RRAS2: variants seen among roughly 807,000 people sequenced by gnomAD.
RRAS2 encodes RAS related 2.
Under a neutral mutation model 27.6 loss-of-function variants are expected in RRAS2, and 7 were observed. The observed-to-expected ratio is 0.25, with a 90% CI of 0.14 to 0.48. The LOEUF (loss-of-function observed/expected upper bound fraction) is 0.48, where lower values mean the gene tolerates loss of function less well. Ranked by LOEUF, RRAS2 falls within the 20% of genes least tolerant of loss-of-function variation. The pLI is 0.99. For missense variants in RRAS2, 178 were observed against 256.2 expected (o/e 0.69, Z 2.08); for synonymous variants, 86 against 90.9 (o/e 0.95, Z 0.31).
chr11:14,292,871 G>A (rs571919236), intron 4 of RRAS2, among the ~76,000 whole-genome samples: 5 of 151,866 alleles, frequency 3.3e-5, no homozygotes, highest in African/African-American at 1.2e-4. Flanking sequence ...ACTTTGGGAG[G>A]CCGAGGTGGG....
intron 2 of RRAS2, among the ~76,000 whole-genome samples, chr11:14,295,116 A>C (rs1270121900): frequency 2.6e-5 from 4 of 152,224 alleles, no homozygotes; most frequent in Non-Finnish European, 5.9e-5. Context: ...TTAGAAGCTT[A>C]AAAATATCAA....
At chr11:14,295,341 T>A (rs1171494559) in intron 2 of RRAS2, among the ~76,000 whole-genome samples, 1 of 152,218 alleles carries the variant, frequency 6.6e-6, no homozygotes. Flanking sequence ...GAGCTTTCTT[T>A]GTGGAGAGGG....
At chr11:14,296,086 G>A (rs566779222) in intron 1 of RRAS2, among the ~76,000 whole-genome samples, 24 of 152,070 alleles carry the variant, frequency 1.6e-4, no homozygotes, top group Non-Finnish European at 2.8e-4. Context: ...AGGCTGATGT[G>A]GGAGGATCAC....
chr11:14,354,703 G>GTC (rs1554955241), intron 1 of RRAS2, among the ~76,000 whole-genome samples: 1 of 111,946 alleles, frequency 8.9e-6, no homozygotes, highest in East Asian at 2.8e-4. Flanking sequence ...TGAGACAAGA[G>GTC]TCTCACTCTG....
intron 1 of RRAS2, among the ~76,000 whole-genome samples, chr11:14,347,333 CAG>C (rs1372381596): frequency 2.0e-5 from 3 of 152,020 alleles, no homozygotes; most frequent in Non-Finnish European, 4.4e-5. Flanking sequence ...AATAACAAAA[CAG>C]AATGCAGAAG....
chr11:14,339,965 A>C (rs1327823199), intron 1 of RRAS2, among the ~76,000 whole-genome samples: 1 of 151,608 alleles, frequency 6.6e-6, no homozygotes, highest in African/African-American at 2.4e-5. Context: ...AACACACACA[A>C]AAAAATAGCC....
upstream of RRAS2, among the ~76,000 whole-genome samples, chr11:14,363,444 C>T (rs889717349): frequency 6.6e-6 from 1 of 152,182 alleles, no homozygotes; most frequent in African/African-American, 2.4e-5. Flanking sequence ...TCTGAGGACA[C>T]GGACTTAGAA....
chr11:14,329,016 TATATATATATATACACACACAC>T (rs1477135786), intron 1 of RRAS2, among the ~76,000 whole-genome samples: 1 of 19,390 alleles, frequency 5.2e-5, no homozygotes, highest in African/African-American at 1.2e-4. Context: ...TGTGTGTATA[TATATATATATATACACACACAC>T]ATATATATGT....
At chr11:14,339,077 C>G (rs1435766568) in intron 1 of RRAS2, among the ~76,000 whole-genome samples, 1 of 152,072 alleles carries the variant, frequency 6.6e-6, no homozygotes, top group African/African-American at 2.4e-5. Flanking sequence ...AATACCCAAA[C>G]AGGCCAATTT....
rs782708206 is a variant in RRAS2 at position 14,281,737 on chromosome 11, T to C, written c.409-17A>G. 7.1e-6 allele frequency: 11 copies of C among 1,559,712 alleles called. No individual in the cohort carries two copies. Among genetic ancestry groups the C allele is most frequent in the Non-Finnish European group, 9.6e-6 (11 of 1,141,896 alleles). On this transcript the variant is annotated splice_polypyrimidine_tract_variant and intron_variant, in intron 4 of 5. Coordinates refer to ENST00000256196, the MANE Select transcript of RRAS2 (RefSeq NM_012250.6). ...CTGTGTTACCTGAAATTCCAACAGTTATGTTTATGGTACATTATTAACAAC... is the reference window on the plus strand; with the variant it reads ...CTGTGTTACCTGAAATTCCAACAGTCATGTTTATGGTACATTATTAACAAC...
chr11:14,311,196 T>C (rs1007870574), intron 1 of RRAS2, among the ~76,000 whole-genome samples: 3 of 151,970 alleles, frequency 2.0e-5, no homozygotes, highest in African/African-American at 4.8e-5. Flanking sequence ...AACCTAAAAA[T>C]TGACCCGGTG....
chr11:14,302,471 C>T (rs782311360), intron 1 of RRAS2, among the ~76,000 whole-genome samples: 4 of 152,192 alleles, frequency 2.6e-5, no homozygotes, highest in Admixed American at 1.3e-4. Flanking sequence ...TACTTGCTAG[C>T]TGTTTGAGTC....
At chr11:14,302,828 G>A (rs1554947586) in intron 1 of RRAS2, among the ~76,000 whole-genome samples, 1 of 152,200 alleles carries the variant, frequency 6.6e-6, no homozygotes, top group African/African-American at 2.4e-5. Context: ...AGAATTGAGG[G>A]AGTCTGAGAT....
At chr11:14,352,274 G>A (rs1455847670) in intron 1 of RRAS2, among the ~76,000 whole-genome samples, 1 of 152,132 alleles carries the variant, frequency 6.6e-6, no homozygotes, top group South Asian at 2.1e-4. Flanking sequence ...TAAACTATAA[G>A]TTAAAGCTGT....
At chr11:14,356,547 T>A (rs1297486625) in intron 1 of RRAS2, 2 of 259,168 alleles carry the variant, frequency 7.7e-6, no homozygotes, top group Non-Finnish European at 1.5e-5. Flanking sequence ...GCGAGAAAAC[T>A]GAGGCTCAGA....
intron 1 of RRAS2, among the ~76,000 whole-genome samples, chr11:14,343,875 A>G (rs1848773513): frequency 6.6e-6 from 1 of 151,212 alleles, no homozygotes; most frequent in South Asian, 2.1e-4. Flanking sequence ...AAAATAAAGT[A>G]GTCCCCTGTA....
intron 1 of RRAS2, among the ~76,000 whole-genome samples, chr11:14,339,447 T>C (rs1848654619): frequency 6.6e-6 from 1 of 152,238 alleles, no homozygotes; most frequent in Non-Finnish European, 1.5e-5. Context: ...TAAAATGAGA[T>C]GTTGCCAGAT....
chr11:14,333,173 C>A (rs1390715834), intron 1 of RRAS2, among the ~76,000 whole-genome samples: 1 of 152,060 alleles, frequency 6.6e-6, no homozygotes, highest in Non-Finnish European at 1.5e-5. Context: ...CTACACCGAT[C>A]TGCTTTAAGT....
chr11:14,341,451 T>C (rs955439661), intron 1 of RRAS2, among the ~76,000 whole-genome samples: 2 of 152,180 alleles, frequency 1.3e-5, no homozygotes, highest in Non-Finnish European at 2.9e-5. Flanking sequence ...TGGAGAAATC[T>C]TCAGAAACCA....
Sources: allele counts gnomAD v4.1 joint callset (sites outside exome capture counted in the v4.1 genomes callset), GRCh38; gene constraint gnomAD v4.1.1; transcripts MANE v1.5; gene names NCBI Gene and HGNC (gene_info 2026-07-23, HGNC 2026-07-21).